Variants in RUFY4 observed in about 807,000 individuals in gnomAD.
RUFY4 encodes RUN and FYVE domain-containing protein 4.
In RUFY4, 73 loss-of-function variants were observed where a neutral mutation model predicts 69.0. The observed-to-expected ratio is 1.06, with a 90% confidence interval of 0.88 to 1.29. RUFY4 has a LOEUF of 1.29. Ranked by LOEUF, RUFY4 falls within the 50% of genes most tolerant of loss-of-function variation. The pLI, the probability that RUFY4 is intolerant of heterozygous loss-of-function variation, is 0.00. For missense variants in RUFY4, 770 were observed against 705.6 expected (o/e 1.09, Z -1.03); for synonymous variants, 287 against 271.8 (o/e 1.06, Z -0.55).
chr2:218,067,767 A>G (rs1574506103), upstream of RUFY4, among the ~76,000 whole-genome samples: 1 of 151,576 alleles, frequency 6.6e-6, no homozygotes, highest in Admixed American at 6.6e-5. Flanking sequence ...TTGATCATCC[A>G]CCTCCACTGC....
At chr2:218,089,574 C>T (rs1378517596) in intron 10 of RUFY4, 15 of 662,544 alleles carry the variant, frequency 2.3e-5, no homozygotes, top group South Asian at 1.7e-4. Context: ...GAATGGGGTC[C>T]GGGGAGTGGG....
At chr2:218,078,950 C>T (rs905564451) in intron 8 of RUFY4, among the ~76,000 whole-genome samples, 5 of 152,184 alleles carry the variant, frequency 3.3e-5, no homozygotes, top group African/African-American at 7.2e-5. Context: ...TCACCGCAAC[C>T]TCCGCCTCCT....
At chr2:218,070,683 G>A in intron 1 of RUFY4, 32 bp downstream of exon 3, 1 of 1,536,668 alleles carries the variant, frequency 6.5e-7, no homozygotes, top group South Asian at 1.2e-5. Context: ...CTCTGGGACT[G>A]AGTCATGGGA....
intron 2 of RUFY4, among the ~76,000 whole-genome samples, chr2:218,071,448 T>C (rs955616351): frequency 1.3e-5 from 2 of 152,018 alleles, no homozygotes; most frequent in African/African-American, 2.4e-5. Flanking sequence ...CCCCTCTACT[T>C]AGAATGCTCT....
rs541224339 is a variant in RUFY4 at position 218,089,154 on chromosome 2, C to A, written c.1503-98C>A. The stretch of plus-strand genomic sequence containing the variant: ...CTCTCTCTTCCTCTCTGTGTGATTC[C>A]GTCTGTTCCTCTCTGTCTCTCTGTC... On this transcript the variant is annotated intron_variant, in intron 9 of 10. Transcript: ENST00000344321. 237 of 887,078 alleles carry A rather than the reference C, an allele frequency of 2.7e-4. 1 individual carries two copies. The South Asian group carries it at 3.5e-3, about 13-fold the overall frequency. 55.0% of individuals were successfully genotyped at this position (887,078 alleles called of 1,614,324 possible).
At chr2:218,073,884 A>C in exon 6 of RUFY4, 1 of 1,613,854 alleles carries the variant, frequency 6.2e-7, no homozygotes, top group Non-Finnish European at 8.5e-7. Flanking sequence ...GCCCCAAAGA[A>C]GGTGCCTCTG....
chr2:218,038,952 T>C (rs906089813), intron 2 of RUFY4, among the ~76,000 whole-genome samples: 1 of 152,054 alleles, frequency 6.6e-6, no homozygotes, highest in African/African-American at 2.4e-5. Flanking sequence ...GCAAAAATCA[T>C]ATCCTTGGCC....
chr2:218,086,686 G>A (rs1469199965), intron 9 of RUFY4, among the ~76,000 whole-genome samples: 1 of 152,094 alleles, frequency 6.6e-6, no homozygotes, highest in Non-Finnish European at 1.5e-5. Context: ...ATGTGCTCCA[G>A]AAAAACAAGG....
intron 3 of RUFY4, among the ~76,000 whole-genome samples, chr2:218,063,366 T>C (rs900304173): frequency 6.6e-6 from 1 of 152,164 alleles, no homozygotes; most frequent in South Asian, 2.1e-4. Context: ...CAGAAAAAGA[T>C]GCCCAAGAAC....
intron 9 of RUFY4, 66 bp from the exon 12 acceptor site, chr2:218,089,185 CT>C: frequency 7.8e-7 from 1 of 1,287,850 alleles, no homozygotes; most frequent in Non-Finnish European, 1.1e-6. Flanking sequence ...CTGTCTGGGT[CT>C]TTTCCCATTT....
intron 2 of RUFY4, among the ~76,000 whole-genome samples, chr2:218,050,260 C>T (rs1042760476): frequency 2.0e-5 from 3 of 152,196 alleles, no homozygotes; most frequent in Non-Finnish European, 4.4e-5. Flanking sequence ...TAAAATTCTT[C>T]TCCGCCTTAC....
intron 9 of RUFY4, among the ~76,000 whole-genome samples, chr2:218,084,433 T>C (rs1289362375): frequency 1.3e-5 from 2 of 152,088 alleles, no homozygotes; most frequent in Non-Finnish European, 2.9e-5. Context: ...GATTTCACCA[T>C]GTTGGTCAGG....
intron 2 of RUFY4, among the ~76,000 whole-genome samples, chr2:218,041,077 T>C (rs1688687983): frequency 6.6e-6 from 1 of 151,994 alleles, no homozygotes; most frequent in Non-Finnish European, 1.5e-5. Context: ...ACAAGTTTTG[T>C]TTTCCCTGGA....
intron 3 of RUFY4, among the ~76,000 whole-genome samples, chr2:218,063,822 C>T (rs1419694889): frequency 6.6e-6 from 1 of 152,170 alleles, no homozygotes; most frequent in African/African-American, 2.4e-5. Flanking sequence ...CACCACCTTA[C>T]ACGTCAGCCC....
intron 8 of RUFY4, among the ~76,000 whole-genome samples, chr2:218,077,389 TC>T (rs1689659401): frequency 6.6e-6 from 1 of 152,170 alleles, no homozygotes; most frequent in Non-Finnish European, 1.5e-5. Flanking sequence ...TCTCTCTCTT[TC>T]TTTTTGTAGA....
chr2:218,071,232 A>G (rs902073569), intron 2 of RUFY4, among the ~76,000 whole-genome samples: 2 of 151,970 alleles, frequency 1.3e-5, no homozygotes, highest in Non-Finnish European at 2.9e-5. Context: ...CAGCCTCTAT[A>G]TGCCTGGCTT....
In RUFY4 at chr2:218,070,659, T is replaced by C; in HGVS notation, c.46+8T>C. ...TCACCAAAGACCTAAGAGGTGAGTG[T>C]GTCCTGAGAGATGCTCTGGGACTGA... On this transcript the variant is annotated splice_region_variant and intron_variant, in intron 1 of 10. Coordinates refer to ENST00000344321, the Ensembl canonical transcript of RUFY4. 1 of 1,537,472 alleles carries C rather than the reference T, an allele frequency of 6.5e-7. No individual in the cohort carries two copies.
At position 218,076,440 on chromosome 2, in the gene RUFY4, G is replaced by A. The variant is rs986507819; in HGVS notation, c.1262G>A (p.Gly421Glu). The A allele has an allele frequency of 2.3e-5, 35 of 1,549,696 alleles. No homozygotes were observed. The Middle Eastern group carries it at 1.2e-3, about 51-fold the overall frequency. Reference sequence around the variant, plus strand: ...TCCACCCCACAGAGCCTCAGACTTGGGCTCCGGAAGGCTGAGGAGCAGGCC... The same window carrying A: ...TCCACCCCACAGAGCCTCAGACTTGAGCTCCGGAAGGCTGAGGAGCAGGCC... Residue 421 changes from glycine to glutamate, a missense_variant, in exon 8 of 11, where the codon GGG (glycine) becomes GAG (glutamate). Physicochemically the swap from Gly to Glu is moderately conservative, Grantham distance 98 (BLOSUM62 -2). Coordinates refer to ENST00000344321, the Ensembl canonical transcript of RUFY4.
intron 9 of RUFY4, among the ~76,000 whole-genome samples, chr2:218,087,701 T>C (rs1689926698): frequency 6.6e-6 from 1 of 152,100 alleles, no homozygotes; most frequent in Non-Finnish European, 1.5e-5. Flanking sequence ...TGGTGGCACA[T>C]GCCTGTAATC....
Sources: gnomAD v4.1 joint callset for allele counts (sites outside exome capture counted in the v4.1 genomes callset) on GRCh38, gnomAD v4.1.1 for gene constraint, MANE v1.5 for transcripts, NCBI Gene and HGNC (gene_info 2026-07-23, HGNC 2026-07-21) for gene names.